The following ABCC5 variants were observed in gnomAD, a reference collection of about 807,000 sequenced individuals.
The protein encoded by ABCC5 is ATP binding cassette subfamily C member 5, also known as ATP-binding cassette sub-family C member 5.
In ABCC5, 61 loss-of-function variants were observed where a neutral mutation model predicts 160.9. The observed-to-expected ratio is 0.38, with a 90% CI of 0.31 to 0.47. The LOEUF (loss-of-function observed/expected upper bound fraction) is 0.47, where lower values mean the gene tolerates loss of function less well. Ranked by LOEUF, ABCC5 falls within the 20% of genes least tolerant of loss-of-function variation. The pLI is 0.99. For missense variants in ABCC5, 1,308 were observed against 1,813.3 expected (o/e 0.72, Z 5.06); for synonymous variants, 666 against 700.6 (o/e 0.95, Z 0.78).
chr3:183,988,833 T>C lies in ABCC5; in HGVS notation c.288-106A>G. On this transcript the variant is annotated intron_variant, in intron 3 of 29. Transcript: ENST00000334444. The surrounding 1 kb of genome is among the most constrained non-coding windows in gnomAD (Gnocchi z 4.4). ...AACACAGCTCTTAGCTAAAGACCAG[T>C]CTCCCCAGATGATCTAATCTTAGCC... The C allele has an allele frequency of 7.8e-7, 1 of 1,283,902 alleles. No individual in the cohort carries two copies. Among genetic ancestry groups the C allele is most frequent in the Non-Finnish European group, 1.1e-6 (1 of 943,492 alleles). 79.5% of individuals were successfully genotyped at this position (1,283,902 alleles called of 1,614,324 possible).
intron 10 of ABCC5, among the ~76,000 whole-genome samples, chr3:183,975,393 G>C (rs1273817316): frequency 6.6e-6 from 1 of 152,000 alleles, no homozygotes; most frequent in Non-Finnish European, 1.5e-5. Flanking sequence ...CCAGGCTGGA[G>C]TGCAGTGGCG....
At position 183,982,652 on chromosome 3, in the gene ABCC5, A is replaced by T; in HGVS notation, c.826-28T>A. The T allele has an allele frequency of 2.5e-6, 4 of 1,612,580 alleles. No individual in the cohort carries two copies. Among genetic ancestry groups the T allele is most frequent in the Non-Finnish European group, 3.4e-6 (4 of 1,178,908 alleles). The stretch of plus-strand genomic sequence containing the variant: ...ATAAGATACAAAGAGTAGTGAGGGG[A>T]CCCTGCAAGGACACGGTTCATTTGT... On this transcript the variant is annotated intron_variant, in intron 6 of 29. Coordinates refer to ENST00000334444, the MANE Select transcript of ABCC5 (RefSeq NM_005688.4). The surrounding 1 kb of genome is among the most constrained non-coding windows in gnomAD (Gnocchi z 5.2).
At chr3:184,004,039 T>A (rs1216083759) in intron 2 of ABCC5, among the ~76,000 whole-genome samples, 1 of 152,122 alleles carries the variant, frequency 6.6e-6, no homozygotes, top group Admixed American at 6.5e-5. Context: ...CTGGGTTCTA[T>A]CCCAGAGACT....
At chr3:183,947,181 G>T in intron 23 of ABCC5, 143 bp downstream of exon 23, 1 of 897,158 alleles carries the variant, frequency 1.1e-6, no homozygotes, top group Non-Finnish European at 1.6e-6. Flanking sequence ...GATTGTTACG[G>T]TCAAATCAGA....
At chr3:184,007,937 A>C (rs1721370847) in intron 2 of ABCC5, among the ~76,000 whole-genome samples, 1 of 152,242 alleles carries the variant, frequency 6.6e-6, no homozygotes, top group South Asian at 2.1e-4. Context: ...AACAAGGACT[A>C]GGTATCCCTA....
In ABCC5 at chr3:183,988,452, C is replaced by T. The variant is rs151064585; in HGVS notation, c.443+120G>A. 14 of 1,266,014 alleles carry T rather than the reference C, an allele frequency of 1.1e-5. No individual in the cohort carries two copies. The highest frequency in any genetic ancestry group is 3.2e-5 in the South Asian group (2 of 62,942). The allele number at this position is 1,266,014 out of a possible 1,614,324, so 78.4% of individuals were successfully genotyped here. A position where few individuals can be genotyped will look rare whatever the true frequency, so the allele number is the denominator to read the frequency against. On this transcript the variant is annotated intron_variant, in intron 4 of 29. Transcript: ENST00000334444. This position sits in a 1 kb window ranked among gnomAD's most constrained non-coding sequence, Gnocchi z 4.4. Reference sequence around the variant, plus strand: ...AGCAAAGAGAAAGTCATCCCCAGGCCGCCCGCCCTCCACTGGACAGCTCGG... The same window carrying T: ...AGCAAAGAGAAAGTCATCCCCAGGCTGCCCGCCCTCCACTGGACAGCTCGG...
At chr3:183,978,776 T>G in intron 8 of ABCC5, 125 bp from the exon 9 acceptor site, 13 of 1,011,146 alleles carry the variant, frequency 1.3e-5, no homozygotes, top group East Asian at 2.6e-5. Context: ...CTATCAACTC[T>G]ACCACTAAAG....
At chr3:183,953,600 A>T (rs1715589500) in intron 17 of ABCC5, among the ~76,000 whole-genome samples, 1 of 152,118 alleles carries the variant, frequency 6.6e-6, no homozygotes, top group African/African-American at 2.4e-5. Context: ...GTGATGATAG[A>T]GCTATACGCA....
chr3:183,966,751 T>C (rs377538042), intron 12 of ABCC5, among the ~76,000 whole-genome samples: 1 of 152,038 alleles, frequency 6.6e-6, no homozygotes, highest in African/African-American at 2.4e-5. Flanking sequence ...ATGCCTGCCA[T>C]GATCTGACTC....
rs190511106 is a variant in ABCC5, at chr3:183,933,095, G to C, written c.3855-4270C>G. ...AGGCAGGAGAACTGCTTGAACCTGG[G>C]AGGTGGAGGCTGCAGTGAGCAGAGA... On this transcript the variant is annotated intron_variant, in intron 26 of 29. Transcript: ENST00000334444. Among the ~76,000 whole-genome samples, 7 of 149,708 alleles carry C rather than the reference G, an allele frequency of 4.7e-5. No homozygotes were observed. The Admixed American group carries it at 4.7e-4, about 10-fold the overall frequency.
intron 2 of ABCC5, among the ~76,000 whole-genome samples, chr3:183,993,651 C>A (rs1211560426): frequency 1.3e-5 from 2 of 152,150 alleles, no homozygotes; most frequent in African/African-American, 4.8e-5. Context: ...CACCCCACTG[C>A]AGATTAATCA....
Position 183,949,845 on chromosome 3 carries a change from G to C in ABCC5, c.3135C>G (p.Ile1045Met). The change falls in exon 22 of 30, where the codon ATC becomes ATG. Residue 1045 changes from isoleucine to methionine, a missense_variant. Coordinates refer to ENST00000334444, the MANE Select transcript of ABCC5 (RefSeq NM_005688.4). The surrounding 1 kb of genome is among the most constrained non-coding windows in gnomAD (Gnocchi z 4.2). ...LIRELKRLDNITQSPFLSHIT... is the reference protein window; with the variant it reads ...LIRELKRLDNMTQSPFLSHIT... ...TGTGGGAGAGGAAAGGTGACTGCGT[G>C]ATATTGTCCAGACGCTTCAGCTCCC... is the stretch of plus-strand genomic sequence containing the variant. 1 of 1,614,222 alleles carries C rather than the reference G, an allele frequency of 6.2e-7. No homozygotes were observed. The highest frequency in any genetic ancestry group is 8.5e-7 in the Non-Finnish European group (1 of 1,180,048).
At chr3:184,003,186 ACTT>A (rs1720897662) in intron 2 of ABCC5, among the ~76,000 whole-genome samples, 2 of 152,172 alleles carry the variant, frequency 1.3e-5, no homozygotes, top group African/African-American at 4.8e-5. Flanking sequence ...CACTAGATAT[ACTT>A]CTTAAGGGAC....
At chr3:183,965,164 T>G (rs753903945) in intron 14 of ABCC5, 21 bp downstream of exon 14, 7 of 1,613,154 alleles carry the variant, frequency 4.3e-6, no homozygotes, top group Non-Finnish European at 4.2e-6. Context: ...AAATGCCTGG[T>G]CAGGGGCGGA....
chr3:183,988,793 G>A lies in ABCC5; in HGVS notation c.288-66C>T. On this transcript the variant is annotated intron_variant, in intron 3 of 29. Coordinates refer to ENST00000334444, the MANE Select transcript of ABCC5 (RefSeq NM_005688.4). The surrounding 1 kb of genome is among the most constrained non-coding windows in gnomAD (Gnocchi z 4.4). ...ACGGAGAGGGCAGCCCGTGTTTAAT[G>A]GACACTGTTTAGTGAACACAGCTCT... 3 of 1,521,000 alleles carry A rather than the reference G, an allele frequency of 2.0e-6. No homozygotes were observed. Among genetic ancestry groups the A allele is most frequent in the East Asian group, 2.3e-5 (1 of 44,168 alleles). The allele number at this position is 1,521,000 out of a possible 1,614,324, so 94.2% of individuals were successfully genotyped here.
intron 2 of ABCC5, among the ~76,000 whole-genome samples, chr3:183,992,274 G>A (rs1038432171): frequency 2.0e-5 from 3 of 152,192 alleles, no homozygotes; most frequent in Admixed American, 6.5e-5. Flanking sequence ...TACTCAGGAG[G>A]CTGAGGTGGG....
chr3:184,015,541 TAAAA>T (rs1722120716), intron 1 of ABCC5, among the ~76,000 whole-genome samples: 6 of 152,154 alleles, frequency 3.9e-5, no homozygotes, highest in Admixed American at 3.9e-4. Context: ...AAGTGTCAGA[TAAAA>T]AGAGAACACT....
chr3:184,016,990 A>T (rs1456395973), intron 1 of ABCC5, among the ~76,000 whole-genome samples: 3 of 152,178 alleles, frequency 2.0e-5, no homozygotes, highest in Admixed American at 6.5e-5. Context: ...ACCACGCTAA[A>T]GGGATACGTA....
chr3:183,950,222 G>A (rs1345882271), intron 20 of ABCC5, 97 bp from the exon 21 acceptor site: 2 of 1,350,118 alleles, frequency 1.5e-6, no homozygotes, highest in South Asian at 1.6e-5. Flanking sequence ...CTCTCTATCT[G>A]AAGTTTGTGA....
Sources: gnomAD v4.1 joint callset for allele counts (sites outside exome capture counted in the v4.1 genomes callset) on GRCh38, gnomAD v4.1.1 for gene constraint, Gnocchi (gnomAD v3.1) non-coding constraint, MANE v1.5 for transcripts, NCBI Gene and HGNC (gene_info 2026-07-23, HGNC 2026-07-21) for gene names.